Variants in MACROD2 observed in about 807,000 individuals in gnomAD.
The protein encoded by MACROD2 is mono-ADP ribosylhydrolase 2, also known as ADP-ribose glycohydrolase MACROD2.
A neutral mutation model predicts 70.4 loss-of-function variants in MACROD2; 36 were observed. The observed-to-expected ratio is 0.51, with a 90% confidence interval of 0.39 to 0.68. The LOEUF is 0.68. MACROD2 is among the 30% of genes least tolerant of loss of function. The pLI, the probability that MACROD2 is intolerant of heterozygous loss-of-function variation, is 0.00. For synonymous variants in MACROD2, 172 were observed against 178.8 expected (o/e 0.96, Z 0.30); for missense variants, 496 against 538.4 (o/e 0.92, Z 0.78).
intron 3 of MACROD2, among the ~76,000 whole-genome samples, chr20:14,142,030 G>T (rs1202008667): frequency 6.6e-6 from 1 of 152,078 alleles, no homozygotes; most frequent in East Asian, 1.9e-4. Context: ...ATGTGAAATT[G>T]TGAAATTGAG....
chr20:14,994,495 C>T (rs547638035), intron 5 of MACROD2, among the ~76,000 whole-genome samples: 1 of 152,048 alleles, frequency 6.6e-6, no homozygotes, highest in African/African-American at 2.4e-5. Context: ...GGATCAACCT[C>T]CCCAGTCAAA....
chr20:15,163,805 G>A (rs1332784889), intron 5 of MACROD2, among the ~76,000 whole-genome samples: 1 of 151,694 alleles, frequency 6.6e-6, no homozygotes, highest in Non-Finnish European at 1.5e-5. Flanking sequence ...AACCTTTACA[G>A]AAAAAGCTGA....
rs774558276 is a variant in MACROD2 at position 15,933,277 on chromosome 20, T to C, written c.777T>C (p.Asp259=). 122 of 1,612,896 alleles carry C rather than the reference T, an allele frequency of 7.6e-5. No homozygotes were observed. The highest frequency in any genetic ancestry group is 9.9e-5 in the Non-Finnish European group (117 of 1,179,294). ...EEDVEMKEDS[D]ENGPEEKQSV... is the part of the protein sequence containing the mutation. Reference sequence around the variant, plus strand: ...TTTCCTCTGTGGTTTTCTTGAAAGATGAGAACGGTCCAGAGGAGAAGCAAA... The same window carrying C: ...TTTCCTCTGTGGTTTTCTTGAAAGACGAGAACGGTCCAGAGGAGAAGCAAA... The change falls in exon 11 of 18, where the codon GAT becomes GAC. Residue 259 remains aspartate (D), a splice_region_variant and synonymous_variant. Transcript: ENST00000684519.
intron 7 of MACROD2, among the ~76,000 whole-genome samples, chr20:15,476,602 A>G (rs1487479931): frequency 2.6e-5 from 4 of 151,638 alleles, no homozygotes; most frequent in Non-Finnish European, 2.9e-5. Flanking sequence ...AACTGAGCAC[A>G]GTGTAGTTTT....
At chr20:15,705,319 A>G (rs536154327) in intron 8 of MACROD2, among the ~76,000 whole-genome samples, 1 of 152,210 alleles carries the variant, frequency 6.6e-6, no homozygotes, top group Admixed American at 6.5e-5. Flanking sequence ...TTAAAGCCCC[A>G]TGGGTGATTC....
chr20:14,996,269 G>C (rs1044698005), intron 5 of MACROD2, among the ~76,000 whole-genome samples: 2 of 152,166 alleles, frequency 1.3e-5, no homozygotes, highest in African/African-American at 2.4e-5. Context: ...CACATCAAGG[G>C]AATGGGAACT....
At chr20:14,439,986 C>G (rs2084103647) in intron 3 of MACROD2, among the ~76,000 whole-genome samples, 1 of 152,084 alleles carries the variant, frequency 6.6e-6, no homozygotes, top group Non-Finnish European at 1.5e-5. Context: ...AAACAAGAGG[C>G]CACAGTAATC....
intron 5 of MACROD2, among the ~76,000 whole-genome samples, chr20:14,797,481 C>T (rs1166719302): frequency 1.3e-5 from 2 of 151,992 alleles, no homozygotes; most frequent in Non-Finnish European, 2.9e-5. Context: ...CTGGACTATG[C>T]CAAGCCCCTT....
intron 12 of MACROD2, among the ~76,000 whole-genome samples, chr20:15,952,390 C>CT (rs2065918819): frequency 6.8e-6 from 1 of 146,546 alleles, no homozygotes; most frequent in African/African-American, 2.6e-5. Context: ...AATCAGAAAC[C>CT]ATTTTTTTTT....
rs745602537 is a variant in MACROD2, at chr20:14,771,644, TAC to T, written c.418+86711_418+86712del. On this transcript the variant is annotated intron_variant, in intron 5 of 17. Coordinates refer to ENST00000684519, the MANE Select transcript of MACROD2 (RefSeq NM_001351661.2). ...TTTCTTTGTAATATTTATCCAAAAA[TAC>T]ACACACACACACACACACACACACA... Among the ~76,000 whole-genome samples the T allele has an allele frequency of 5.6e-3, 799 of 141,702 alleles. 10 individuals carry two copies. Among genetic ancestry groups the T allele is most frequent in the African/African-American group, 0.018 (709 of 38,408 alleles). The allele number at this position is 141,702 out of a possible 152,430, so 93.0% of individuals were successfully genotyped here.
chr20:14,238,177 C>G (rs894025857), intron 3 of MACROD2, among the ~76,000 whole-genome samples: 6 of 152,086 alleles, frequency 3.9e-5, no homozygotes, highest in Non-Finnish European at 7.4e-5. Context: ...CAAAAGTATT[C>G]CTATTTCAAA....
intron 10 of MACROD2, among the ~76,000 whole-genome samples, chr20:15,926,041 C>T (rs998236470): frequency 1.3e-5 from 2 of 152,190 alleles, no homozygotes; most frequent in Non-Finnish European, 2.9e-5. Context: ...TCCCAGAAGG[C>T]TGTAAGTCAT....
chr20:14,318,144 G>A (rs1334795719), intron 3 of MACROD2, among the ~76,000 whole-genome samples: 1 of 152,112 alleles, frequency 6.6e-6, no homozygotes, highest in Non-Finnish European at 1.5e-5. Context: ...ATATGAACTA[G>A]CCTCAGTTTT....
chr20:14,757,856 G>A, intron 5 of MACROD2: 1 of 1,512,142 alleles, frequency 6.6e-7, no homozygotes, highest in Non-Finnish European at 9.2e-7. Context: ...TAGCCGTCCA[G>A]GGACTGGCAG....
At chr20:15,160,167 A>G (rs1250237984) in intron 5 of MACROD2, among the ~76,000 whole-genome samples, 2 of 152,046 alleles carry the variant, frequency 1.3e-5, no homozygotes, top group African/African-American at 4.8e-5. Flanking sequence ...AAGGTGGTTG[A>G]AAAAGATGGG....
intron 5 of MACROD2, among the ~76,000 whole-genome samples, chr20:15,084,077 T>TTTTTTTTGTTGTTTTG (rs1555780896): frequency 5.5e-5 from 8 of 145,792 alleles, no homozygotes; most frequent in African/African-American, 1.8e-4. Flanking sequence ...TTTTTGTTTT[T>TTTTTTTTGTTGTTTTG]TTTTTTTAAT....
intron 8 of MACROD2, among the ~76,000 whole-genome samples, chr20:15,562,461 A>C (rs1164925564): frequency 6.6e-6 from 1 of 152,192 alleles, no homozygotes; most frequent in Non-Finnish European, 1.5e-5. Context: ...ACTAAATCCA[A>C]GCATAGAGAT....
Position 14,653,216 on chromosome 20 carries a change from ATT to A in MACROD2, c.302-31608_302-31607del, listed in dbSNP as rs542367949. 1.3e-3 allele frequency among the ~76,000 whole-genome samples: 160 copies of A among 121,752 alleles called. 1 individual carries two copies. The highest frequency in any genetic ancestry group is 4.3e-3 in the African/African-American group (138 of 31,748). The allele number at this position is 121,752 out of a possible 152,430, so 79.9% of individuals were successfully genotyped here. ...TAGGCATTCACCAACATGTACAGCAATTTTTTTTTTTTTTTTTTTTGAGACGG... is the reference window on the plus strand; with the variant it reads ...TAGGCATTCACCAACATGTACAGCAATTTTTTTTTTTTTTTTTTGAGACGG... On this transcript the variant is annotated intron_variant, in intron 4 of 17. Coordinates refer to ENST00000684519, the MANE Select transcript of MACROD2 (RefSeq NM_001351661.2).
At chr20:15,631,408 T>C (rs1288929372) in intron 8 of MACROD2, among the ~76,000 whole-genome samples, 3 of 132,904 alleles carry the variant, frequency 2.3e-5, no homozygotes, top group African/African-American at 7.0e-5. Context: ...CAAATGATGA[T>C]TTTTTTTTTC....
Sources: allele counts gnomAD v4.1 joint callset (sites outside exome capture counted in the v4.1 genomes callset), GRCh38; gene constraint gnomAD v4.1.1; transcripts MANE v1.5; gene names NCBI Gene and HGNC (gene_info 2026-07-23, HGNC 2026-07-21).